The following MRPL2 variants were observed in gnomAD, a reference collection of about 807,000 sequenced individuals.
MRPL2 encodes mitochondrial ribosomal protein L2.
MRPL2 carries 27 observed loss-of-function variants against 34.6 expected under a neutral mutation model. That is an observed-to-expected ratio of 0.78 (90% CI 0.58 to 1.08). The LOEUF (loss-of-function observed/expected upper bound fraction) is 1.08. MRPL2 is among the 50% of genes least tolerant of loss of function. MRPL2 has a pLI of 0.00. For missense variants in MRPL2, 414 were observed against 419.3 expected, an observed-to-expected ratio of 0.99 and a Z score of 0.11; for synonymous variants, 155 against 158.0, an observed-to-expected ratio of 0.98 and a Z score of 0.14.
At chr6:43,059,009 T>C (rs1471248179) in intron 1 of MRPL2, 5 of 829,956 alleles carry the variant, frequency 6.0e-6, no homozygotes, top group Non-Finnish European at 9.2e-6. Context: ...CTATTACCTA[T>C]ACCTGGCTTA....
At position 43,054,268 on chromosome 6, in the gene MRPL2, G is replaced by A; in HGVS notation, c.*6C>T. 4 of 1,541,994 alleles carry A rather than the reference G, an allele frequency of 2.6e-6. No homozygotes were observed. The highest frequency in any genetic ancestry group is 3.5e-6 in the Non-Finnish European group (4 of 1,130,288). On this transcript the variant is annotated 3_prime_UTR_variant, in exon 7 of 7. Coordinates refer to ENST00000388752, the MANE Select transcript of MRPL2 (RefSeq NM_015950.5). ...GGGGGGGGCATTTTATTAGAGTACA[G>A]GGATATCAGCTTTGGGCAGAAGCAG...
chr6:43,056,914 C>T (rs1404797916), intron 2 of MRPL2, among the ~76,000 whole-genome samples: 1 of 152,220 alleles, frequency 6.6e-6, no homozygotes, highest in East Asian at 1.9e-4. Context: ...ACCTTGTGAT[C>T]CGCCCACCTT....
At chr6:43,059,093 C>G in intron 1 of MRPL2, 193 bp downstream of exon 1, 1 of 1,510,804 alleles carries the variant, frequency 6.6e-7, no homozygotes, top group African/African-American at 1.4e-5. Context: ...CCTTAAGTAT[C>G]TCGTCTGAAG....
intron 1 of MRPL2, among the ~76,000 whole-genome samples, chr6:43,058,599 C>T (rs1464876769): frequency 6.6e-6 from 1 of 152,216 alleles, no homozygotes; most frequent in Non-Finnish European, 1.5e-5. Flanking sequence ...GGTCATTTCA[C>T]TCTTGTTCCT....
intron 5 of MRPL2, 36 bp from the exon 6 acceptor site, chr6:43,055,654 A>G (rs1764842824): frequency 1.9e-6 from 3 of 1,610,496 alleles, no homozygotes. Context: ...CCTCCACAAA[A>G]CAGGGGGGTG....
Position 43,059,332 on chromosome 6 carries a change from G to T in MRPL2, c.50C>A (p.Pro17His), listed in dbSNP as rs960282289. The T allele has an allele frequency of 3.2e-6, 5 of 1,552,080 alleles. No homozygotes were observed. The African/African-American group carries it at 6.8e-5, about 21-fold the overall frequency. Residue 17 changes from proline (P) to histidine (H), a missense_variant, in exon 1 of 7, where the codon CCC (proline) becomes CAC (histidine). Physicochemically the swap from Pro to His is moderately conservative, Grantham distance 77. Transcript: ENST00000388752. ...TRALRSLNLA[P>H]PTVAAPAPSL... ...CGGGGCAGGGGCGGCGACGGTCGGG[G>T]GCGCCAGGTTCAGAGAGCGCAGAGC...
At chr6:43,057,838 A>G in intron 2 of MRPL2, 1 of 482,744 alleles carries the variant, frequency 2.1e-6, no homozygotes, top group Non-Finnish European at 3.6e-6. Flanking sequence ...TGTATGGCCC[A>G]TTTTCTTCAA....
upstream of MRPL2, chr6:43,059,568 G>A: frequency 7.0e-7 from 1 of 1,420,522 alleles, no homozygotes; most frequent in Non-Finnish European, 9.2e-7. Flanking sequence ...AATGTCGCGT[G>A]ACTAGGAAAC....
chr6:43,054,352 GC>G lies in MRPL2; in HGVS notation c.839del (p.Gly280AlafsTer13). 1 of 1,613,906 alleles carries G rather than the reference GC, an allele frequency of 6.2e-7. No individual in the cohort carries two copies. The highest frequency in any genetic ancestry group is 8.5e-7 in the Non-Finnish European group (1 of 1,179,998). On this transcript the variant is annotated frameshift_variant, in exon 7 of 7. Coordinates refer to ENST00000388752, the MANE Select transcript of MRPL2 (RefSeq NM_015950.5). LOFTEE classifies it high-confidence loss of function. ...PNSGRWHRKGGWAGRKIRPLP... is the reference protein window; with the variant it reads ...PNSGRWHRKGXWAGRKIRPLP... ...GTGGCCGAATCTTTCGGCCAGCCCA[GC>G]CCCCCTTGCGGTGCCACCGCCCACT...
chr6:43,059,064 G>A lies in MRPL2; in HGVS notation c.96+222C>T, dbSNP rs941688546. On this transcript the variant is annotated intron_variant, in intron 1 of 6. Coordinates refer to ENST00000388752, the MANE Select transcript of MRPL2 (RefSeq NM_015950.5). ...TATTACTGAAACCTGCACAACCGGT[G>A]ATCTGCAAAGCACTTTCACCTTAAG... is the stretch of plus-strand genomic sequence containing the variant. 8.8e-5 allele frequency: 123 copies of A among 1,401,026 alleles called. No homozygotes were observed. The Admixed American group carries it at 1.3e-3, about 15-fold the overall frequency. 86.8% of individuals were successfully genotyped at this position (1,401,026 alleles called of 1,614,324 possible).
intron 2 of MRPL2, among the ~76,000 whole-genome samples, chr6:43,057,398 C>T (rs1293174550): frequency 1.3e-5 from 2 of 151,830 alleles, no homozygotes; most frequent in African/African-American, 4.8e-5. Flanking sequence ...AGTGCAGCAG[C>T]GCGATCTCGG....
rs1764883752 is a variant in MRPL2 at position 43,056,463 on chromosome 6, T to C, written c.266-18A>G. The C allele has an allele frequency of 6.2e-7, 1 of 1,613,900 alleles. No homozygotes were observed. Among genetic ancestry groups the C allele is most frequent in the Non-Finnish European group, 8.5e-7 (1 of 1,180,006 alleles). On this transcript the variant is annotated intron_variant, in intron 2 of 6. Coordinates refer to ENST00000388752, the MANE Select transcript of MRPL2 (RefSeq NM_015950.5). ...GATTCGGCCTGTGGTTTAGGACAGT[T>C]GGGGGATATGATTCAGGTCAGAGTA...
intron 2 of MRPL2, among the ~76,000 whole-genome samples, chr6:43,056,818 G>A (rs950996366): frequency 2.0e-5 from 3 of 151,940 alleles, no homozygotes; most frequent in Non-Finnish European, 4.4e-5. Flanking sequence ...GGGACTACAG[G>A]TGCCCACCAC....
chr6:43,059,744 C>G (rs1016660769), upstream of MRPL2: 1 of 1,222,936 alleles, frequency 8.2e-7, no homozygotes, highest in Non-Finnish European at 1.0e-6. Context: ...CTCTTATTCT[C>G]GCACTACCAG....
chr6:43,058,584 G>A (rs1197295209), intron 1 of MRPL2, among the ~76,000 whole-genome samples: 1 of 152,220 alleles, frequency 6.6e-6, no homozygotes, highest in Non-Finnish European at 1.5e-5. Flanking sequence ...TGAATGGAGG[G>A]GAGGGGTCAT....
chr6:43,054,202 A>C lies in MRPL2; in HGVS notation c.*72T>G, dbSNP rs1764720933. 8.4e-7 allele frequency: 1 copy of C among 1,194,226 alleles called. No individual in the cohort carries two copies. The highest frequency in any genetic ancestry group is 1.2e-6 in the Non-Finnish European group (1 of 850,774). The allele number at this position is 1,194,226 out of a possible 1,614,324, so 74.0% of individuals were successfully genotyped here. ...AAAAAACAACAACAAAAAAAACAAA[A>C]AACACCCAAAACAAAACCACAGTAA... On this transcript the variant is annotated 3_prime_UTR_variant, in exon 7 of 7. Coordinates refer to ENST00000388752, the MANE Select transcript of MRPL2 (RefSeq NM_015950.5).
Position 43,054,261 on chromosome 6 carries a change from G to C in MRPL2, c.*13C>G, listed in dbSNP as rs369878092. 9.9e-6 allele frequency: 12 copies of C among 1,207,546 alleles called. No individual in the cohort carries two copies. The African/African-American group carries it at 1.9e-4, about 19-fold the overall frequency. 74.8% of individuals were successfully genotyped at this position (1,207,546 alleles called of 1,614,324 possible). A position where few individuals can be genotyped will look rare whatever the true frequency, so the allele number is the denominator to read the frequency against. On this transcript the variant is annotated 3_prime_UTR_variant, in exon 7 of 7. Coordinates refer to ENST00000388752, the MANE Select transcript of MRPL2 (RefSeq NM_015950.5). ...AACGGGGGGGGGGGGCATTTTATTA[G>C]AGTACAGGGATATCAGCTTTGGGCA...
At position 43,054,052 on chromosome 6, in the gene MRPL2, A is replaced by T; in HGVS notation, c.*222T>A. The T allele has an allele frequency of 1.6e-6, 1 of 642,176 alleles. No individual in the cohort carries two copies. The highest frequency in any genetic ancestry group is 2.6e-6 in the Non-Finnish European group (1 of 377,494). The allele number at this position is 642,176 out of a possible 1,614,324, so 39.8% of individuals were successfully genotyped here. On this transcript the variant is annotated 3_prime_UTR_variant, in exon 7 of 7. Transcript: ENST00000388752. Reference sequence around the variant, plus strand: ...AAGACCTTGGACGTCATTTATTTCCATCCCCGGCTCCATTACTTGTAAGGG... The same window carrying T: ...AAGACCTTGGACGTCATTTATTTCCTTCCCCGGCTCCATTACTTGTAAGGG...
At position 43,055,990 on chromosome 6, in the gene MRPL2, C is replaced by T; in HGVS notation, c.538G>A (p.Asp180Asn). The T allele has an allele frequency of 6.2e-7, 1 of 1,614,174 alleles. No homozygotes were observed. Among genetic ancestry groups the T allele is most frequent in the African/African-American group, 1.3e-5 (1 of 75,042 alleles). Residue 180 changes from aspartate (D) to asparagine (N), a missense_variant, in exon 5 of 7, where the codon GAT becomes AAT. Transcript: ENST00000388752. ...GGCAGAGCCCCAAGAGGATGCGCATCCCCTTCCCGAGCAGCAACTAAAAGA... is the reference window on the plus strand; with the variant it reads ...GGCAGAGCCCCAAGAGGATGCGCATTCCCTTCCCGAGCAGCAACTAAAAGA... ...GRMAVAAREGDAHPLGALPVG... is the reference protein window; with the variant it reads ...GRMAVAAREGNAHPLGALPVG...
Sources: allele counts gnomAD v4.1 joint callset (sites outside exome capture counted in the v4.1 genomes callset), GRCh38; gene constraint gnomAD v4.1.1; transcripts MANE v1.5; gene names NCBI Gene and HGNC (gene_info 2026-07-23, HGNC 2026-07-21).